Variants in FRMPD4 observed in about 807,000 individuals in gnomAD.
FRMPD4 encodes FERM and PDZ domain-containing protein 4.
In FRMPD4, 22 loss-of-function variants were observed where a neutral mutation model predicts 94.1. That is an observed-to-expected ratio of 0.23 (90% CI 0.17 to 0.33). The LOEUF is 0.33. FRMPD4 is among the 10% of genes least tolerant of loss of function. The pLI is 1.00. For synonymous variants in FRMPD4, 631 were observed against 548.6 expected (o/e 1.15, Z -2.10); for missense variants, 1,111 against 1,339.9 (o/e 0.83, Z 2.67).
At position 12,249,910 on chromosome X, in the gene FRMPD4, A is replaced by G. The variant is rs186956164; in HGVS notation, c.41+110898A>G. 9.8e-5 allele frequency among the ~76,000 whole-genome samples: 11 copies of G among 111,815 alleles called. No homozygotes were observed. The East Asian group carries it at 3.1e-3, about 31-fold the overall frequency. On this transcript the variant is annotated intron_variant, in intron 1 of 16. Coordinates refer to ENST00000675598, the MANE Select transcript of FRMPD4 (RefSeq NM_001368397.1). ...TGTGTGTAGTGGTTGGCAATATTCAAAGCTCCTCTGTGTACTCACTTTGTA... is the reference window on the plus strand; with the variant it reads ...TGTGTGTAGTGGTTGGCAATATTCAGAGCTCCTCTGTGTACTCACTTTGTA...
intron 2 of FRMPD4, 141 bp downstream of exon 2, chrX:12,498,937 AGCT>A (rs1472456156): frequency 7.0e-6 from 2 of 285,026 alleles, no homozygotes; most frequent in African/African-American, 5.6e-5. Context: ...CTCTTAAGCC[AGCT>A]GCTTATATTT....
chrX:12,335,270 G>A (rs569590511), intron 1 of FRMPD4, among the ~76,000 whole-genome samples: 2 of 109,901 alleles, frequency 1.8e-5, no homozygotes, highest in African/African-American at 6.6e-5. Flanking sequence ...GGGACTACAG[G>A]CATGCACCAC....
At chrX:11,849,222 A>T (rs1184666095) in intron 1 of FRMPD4, among the ~76,000 whole-genome samples, 1 of 111,844 alleles carries the variant, frequency 8.9e-6, no homozygotes, top group African/African-American at 3.2e-5. Context: ...AAAAAGAATA[A>T]AATACTTAGG....
chrX:11,842,812 T>C (rs1398230568), intron 1 of FRMPD4, among the ~76,000 whole-genome samples: 1 of 102,461 alleles, frequency 9.8e-6, no homozygotes. Context: ...AGAGAGGGCA[T>C]CCCTGTCTTG....
At chrX:12,295,021 C>G (rs13440707) in intron 1 of FRMPD4, among the ~76,000 whole-genome samples, 10,427 of 111,967 alleles carry the variant, frequency 0.093, 399 homozygotes, top group Admixed American at 0.16. Flanking sequence ...GTGTATGAAT[C>G]TACCATGAGA....
chrX:12,659,487 G>A (rs1219512507), intron 4 of FRMPD4, among the ~76,000 whole-genome samples: 1 of 112,375 alleles, frequency 8.9e-6, no homozygotes, highest in African/African-American at 3.2e-5. Flanking sequence ...TCTTTGTTGT[G>A]GGGGCTGTCA....
At chrX:12,642,313 G>A (rs746110037) in intron 4 of FRMPD4, among the ~76,000 whole-genome samples, 1 of 112,076 alleles carries the variant, frequency 8.9e-6, no homozygotes, top group East Asian at 2.8e-4. Flanking sequence ...AGAAGATTCA[G>A]TAGAAGATTC....
chrX:12,374,455 G>C (rs977110700), intron 1 of FRMPD4, among the ~76,000 whole-genome samples: 3 of 112,138 alleles, frequency 2.7e-5, no homozygotes, highest in African/African-American at 9.7e-5. Context: ...TGCCTGGCCA[G>C]CTCTACTTGT....
intron 1 of FRMPD4, among the ~76,000 whole-genome samples, chrX:12,166,588 A>C (rs5979529): frequency 0.059 from 6,532 of 110,841 alleles, 352 homozygotes; most frequent in African/African-American, 0.17. Context: ...GGAGGATTCC[A>C]TCTTTTTCTA....
At chrX:11,849,662 A>G (rs1464881461) in intron 1 of FRMPD4, among the ~76,000 whole-genome samples, 4 of 106,439 alleles carry the variant, frequency 3.8e-5, no homozygotes, top group African/African-American at 1.0e-4. Flanking sequence ...AGACAATTCA[A>G]TGTGGGAAAG....
intron 1 of FRMPD4, among the ~76,000 whole-genome samples, chrX:12,141,419 T>C (rs1001665411): frequency 8.9e-6 from 1 of 112,163 alleles, no homozygotes. Flanking sequence ...GACAGTGTAA[T>C]TACAGAGAAT....
intron 2 of FRMPD4, among the ~76,000 whole-genome samples, chrX:12,532,010 G>A (rs977121975): frequency 8.9e-6 from 1 of 111,823 alleles, no homozygotes; most frequent in Non-Finnish European, 1.9e-5. Flanking sequence ...AGAGGTAAAG[G>A]ATCAAGCCCC....
chrX:12,321,305 C>T (rs1217060895), intron 1 of FRMPD4, among the ~76,000 whole-genome samples: 1 of 111,923 alleles, frequency 8.9e-6, no homozygotes, highest in African/African-American at 3.2e-5. Flanking sequence ...AAATTATAAA[C>T]CTAGTGGGTA....
At chrX:12,071,191 C>T (rs1417272407) in intron 3 of FRMPD4, among the ~76,000 whole-genome samples, 2 of 110,537 alleles carry the variant, frequency 1.8e-5, no homozygotes, top group African/African-American at 6.6e-5. Flanking sequence ...CTCCTCCTGG[C>T]TTCGTCATTC....
chrX:12,487,469 C>CA (rs1306235788), intron 1 of FRMPD4, among the ~76,000 whole-genome samples: 2 of 111,729 alleles, frequency 1.8e-5, no homozygotes, highest in African/African-American at 6.5e-5. Flanking sequence ...GCAATGTTTG[C>CA]AGTTGTTTAA....
chrX:12,219,605 T>C (rs1228802739), intron 1 of FRMPD4, among the ~76,000 whole-genome samples: 1 of 111,833 alleles, frequency 8.9e-6, no homozygotes, highest in Non-Finnish European at 1.9e-5. Context: ...CAGTTATCCT[T>C]TCTAGAAATT....
chrX:12,001,893 G>A (rs2054526732), intron 3 of FRMPD4, among the ~76,000 whole-genome samples: 1 of 111,990 alleles, frequency 8.9e-6, no homozygotes, highest in African/African-American at 3.2e-5. Flanking sequence ...TAACAGGCTG[G>A]AACCAGTGGG....
intron 3 of FRMPD4, among the ~76,000 whole-genome samples, chrX:12,011,844 C>T (rs1437576891): frequency 1.8e-5 from 2 of 110,068 alleles, no homozygotes; most frequent in African/African-American, 6.6e-5. Context: ...CTCATTATTT[C>T]TTTGCTTGTT....
chrX:12,577,549 G>A (rs995007046), intron 2 of FRMPD4, among the ~76,000 whole-genome samples: 2 of 110,830 alleles, frequency 1.8e-5, no homozygotes, highest in Non-Finnish European at 1.9e-5. Context: ...TAAAGTGATA[G>A]GAAGGGTGAG....
Sources: allele counts gnomAD v4.1 joint callset (sites outside exome capture counted in the v4.1 genomes callset), GRCh38; gene constraint gnomAD v4.1.1; transcripts MANE v1.5; gene names NCBI Gene and HGNC (gene_info 2026-07-23, HGNC 2026-07-21).